The following MYOT variants were observed in gnomAD, a reference collection of about 807,000 sequenced individuals.
MYOT encodes 57 kDa cytoskeletal protein.
MYOT carries 36 observed loss-of-function variants against 58.0 expected under a neutral mutation model. That is an observed-to-expected ratio of 0.62 (90% CI 0.48 to 0.82). MYOT has a LOEUF of 0.82. MYOT is among the 40% of genes least tolerant of loss of function. MYOT has a pLI of 0.00. For synonymous variants in MYOT, 218 were observed against 204.6 expected (o/e 1.07, Z -0.56); for missense variants, 505 against 592.1 (o/e 0.85, Z 1.53).
chr5:137,879,260 G>C (rs1378531230), intron 4 of MYOT, among the ~76,000 whole-genome samples: 1 of 151,856 alleles, frequency 6.6e-6, no homozygotes, highest in Non-Finnish European at 1.5e-5. Context: ...TTTTGGTTCT[G>C]TTTGATGCAA....
intron 5 of MYOT, 30 bp downstream of exon 5, chr5:137,880,895 T>C (rs1755408148): frequency 7.0e-7 from 1 of 1,426,826 alleles, no homozygotes; most frequent in Non-Finnish European, 9.8e-7. Flanking sequence ...AAGAAATGTA[T>C]GTTTTCCTAT....
intron 7 of MYOT, among the ~76,000 whole-genome samples, chr5:137,884,258 G>A (rs908772020): frequency 6.6e-6 from 1 of 152,144 alleles, no homozygotes; most frequent in African/African-American, 2.4e-5. Context: ...GAGAGGCTAA[G>A]GCAGGAGGAT....
chr5:137,881,689 A>C (rs566807296), intron 5 of MYOT, among the ~76,000 whole-genome samples: 4 of 152,204 alleles, frequency 2.6e-5, no homozygotes, highest in Admixed American at 6.5e-5. Flanking sequence ...CTTAATTTGG[A>C]TATTTTTATT....
chr5:137,879,402 C>G (rs1424612059), intron 4 of MYOT, among the ~76,000 whole-genome samples: 1 of 151,950 alleles, frequency 6.6e-6, no homozygotes, highest in Non-Finnish European at 1.5e-5. Flanking sequence ...CATGGAGAAC[C>G]TACTTGTATG....
At chr5:137,879,036 A>C (rs1197029825) in intron 4 of MYOT, among the ~76,000 whole-genome samples, 1 of 152,146 alleles carries the variant, frequency 6.6e-6, no homozygotes, top group Non-Finnish European at 1.5e-5. Flanking sequence ...CCCAAGTTCA[A>C]GTGATTCTCG....
chr5:137,886,814 T>G, intron 8 of MYOT, 50 bp from the exon 9 acceptor site: 1 of 1,349,904 alleles, frequency 7.4e-7, no homozygotes, highest in Non-Finnish European at 1.1e-6. Flanking sequence ...AGACATCCAC[T>G]TCACAGAAAT....
chr5:137,885,771 C>CAAAAAAAAAAAAAAAAAA (rs71583286), intron 7 of MYOT, among the ~76,000 whole-genome samples: 1 of 30,974 alleles, frequency 3.2e-5, no homozygotes, highest in Non-Finnish European at 6.1e-5. Context: ...GACTCTGTCT[C>CAAAAAAAAAAAAAAAAAA]AAAAAAAAAA....
At chr5:137,885,846 A>G (rs1032217647) in intron 7 of MYOT, among the ~76,000 whole-genome samples, 1 of 151,382 alleles carries the variant, frequency 6.6e-6, no homozygotes, top group African/African-American at 2.4e-5. Flanking sequence ...CTGATTATCA[A>G]TTCAATGCAT....
chr5:137,869,109 T>C (rs970145626), intron 1 of MYOT, among the ~76,000 whole-genome samples: 2 of 152,212 alleles, frequency 1.3e-5, no homozygotes, highest in Non-Finnish European at 2.9e-5. Context: ...TGAAACTCTT[T>C]GGTCTGGAAA....
intron 6 of MYOT, chr5:137,882,824 T>C (rs700611): frequency 0.033 from 5,227 of 156,446 alleles, 136 homozygotes; most frequent in Middle Eastern, 0.053. Context: ...TTATTATCCT[T>C]ATTTTGGAGA....
At position 137,877,512 on chromosome 5, in the gene MYOT, C is replaced by A. The variant is rs753470821; in HGVS notation, c.532-8C>A. Reference sequence around the variant, plus strand: ...AATCTAATTACTGTCTCAATAAATTCTCTAAAGCGTCTAACATATGAAGAG... The same window carrying A: ...AATCTAATTACTGTCTCAATAAATTATCTAAAGCGTCTAACATATGAAGAG... On this transcript the variant is annotated splice_polypyrimidine_tract_variant and splice_region_variant and intron_variant, in intron 3 of 9. Coordinates refer to ENST00000239926, the MANE Select transcript of MYOT (RefSeq NM_006790.3). 3.1e-6 allele frequency: 5 copies of A among 1,590,242 alleles called. No individual in the cohort carries two copies. The highest frequency in any genetic ancestry group is 4.5e-5 in the East Asian group (2 of 44,600).
At chr5:137,880,713 T>A in intron 4 of MYOT, 103 bp from the exon 5 acceptor site, 1 of 998,628 alleles carries the variant, frequency 1.0e-6, no homozygotes. Context: ...GCTGTTCAAA[T>A]ACAGCCAAAA....
chr5:137,883,335 T>C (rs763419941), intron 6 of MYOT, 49 bp from the exon 7 acceptor site: 2 of 1,466,910 alleles, frequency 1.4e-6, no homozygotes, highest in Non-Finnish European at 1.9e-6. Flanking sequence ...TAGGTTTCAG[T>C]GATGCAATAC....
chr5:137,877,413 T>C (rs576433754), intron 3 of MYOT, 107 bp from the exon 4 acceptor site: 3 of 655,692 alleles, frequency 4.6e-6, no homozygotes, highest in Middle Eastern at 3.7e-4. Flanking sequence ...ATTCAATAGA[T>C]AGAACTATGC....
chr5:137,879,902 T>G (rs944852590), intron 4 of MYOT, among the ~76,000 whole-genome samples: 2 of 152,168 alleles, frequency 1.3e-5, no homozygotes, highest in African/African-American at 2.4e-5. Flanking sequence ...ATCACTGAAT[T>G]GACCAGTTGT....
At chr5:137,883,015 A>G (rs906824919) in intron 6 of MYOT, 6 of 239,524 alleles carry the variant, frequency 2.5e-5, no homozygotes, top group Non-Finnish European at 4.1e-5. Flanking sequence ...GAAGCCTCAT[A>G]TATATGTGCC....
chr5:137,869,950 T>G (rs1276951703), intron 1 of MYOT, among the ~76,000 whole-genome samples: 1 of 151,636 alleles, frequency 6.6e-6, no homozygotes, highest in African/African-American at 2.4e-5. Context: ...ATGGTCAATT[T>G]GGAATCAAGG....
chr5:137,881,850 C>G, intron 5 of MYOT, 123 bp from the exon 6 acceptor site: 1 of 1,032,974 alleles, frequency 9.7e-7, no homozygotes, highest in Non-Finnish European at 1.5e-6. Flanking sequence ...CCACTGTACT[C>G]CAGCCTGGGC....
intron 4 of MYOT, 55 bp from the exon 5 acceptor site, chr5:137,880,761 C>A: frequency 7.2e-7 from 1 of 1,385,016 alleles, no homozygotes; most frequent in Non-Finnish European, 1.0e-6. Context: ...CTTAATTCTG[C>A]TTCATTCAAG....
Sources: gnomAD v4.1 joint callset for allele counts (sites outside exome capture counted in the v4.1 genomes callset) on GRCh38, gnomAD v4.1.1 for gene constraint, MANE v1.5 for transcripts, NCBI Gene and HGNC (gene_info 2026-07-23, HGNC 2026-07-21) for gene names.